The following ADAM28 variants were observed in gnomAD, a reference collection of about 807,000 sequenced individuals.
ADAM28 encodes disintegrin and metalloproteinase domain-containing protein 28.
A neutral mutation model predicts 101.2 loss-of-function variants in ADAM28; 105 were observed. That is an observed-to-expected ratio of 1.04 (90% confidence interval 0.89 to 1.22). ADAM28 has a LOEUF of 1.22. ADAM28 is among the 50% of genes most tolerant of loss of function. The pLI is 0.00. For missense variants in ADAM28, 1,028 were observed against 945.4 expected (o/e 1.09, Z -1.15); for synonymous variants, 322 against 310.6 (o/e 1.04, Z -0.39).
At chr8:24,298,977 A>C (rs1202123915) in intron 1 of ADAM28, among the ~76,000 whole-genome samples, 3 of 151,890 alleles carry the variant, frequency 2.0e-5, no homozygotes, top group Non-Finnish European at 4.4e-5. Flanking sequence ...GGATTGCTAC[A>C]GCCTGGGATT....
intron 5 of ADAM28, 26 bp downstream of exon 5, chr8:24,311,463 G>A: frequency 6.3e-7 from 1 of 1,588,444 alleles, no homozygotes; most frequent in Non-Finnish European, 8.6e-7. Context: ...TGTTTTGCAT[G>A]TACCTGTGAT....
At chr8:24,351,380 C>A in intron 20 of ADAM28, 70 bp downstream of exon 20, 1 of 1,412,104 alleles carries the variant, frequency 7.1e-7, no homozygotes, top group Non-Finnish European at 1.0e-6. Flanking sequence ...CTTATCCTGA[C>A]TACCTATCTA....
intron 6 of ADAM28, among the ~76,000 whole-genome samples, chr8:24,314,349 A>T (rs1023922607): frequency 6.6e-6 from 1 of 152,186 alleles, no homozygotes; most frequent in Non-Finnish European, 1.5e-5. Context: ...GAATCTGGCT[A>T]CAGGAACTTA....
intron 8 of ADAM28, among the ~76,000 whole-genome samples, chr8:24,322,226 A>G (rs1811974656): frequency 6.6e-6 from 1 of 151,976 alleles, no homozygotes; most frequent in African/African-American, 2.4e-5. Flanking sequence ...GGGAGAAATA[A>G]GAGATTTAGT....
intron 20 of ADAM28, chr8:24,351,613 C>T (rs1213193199): frequency 2.0e-6 from 1 of 496,772 alleles, no homozygotes; most frequent in African/African-American, 1.9e-5. Context: ...CACACTCCCT[C>T]TAGCTTATTT....
rs1217121002 is a variant in ADAM28 at position 24,355,433 on chromosome 8, T to TTAAG, written c.*1035_*1038dup. On this transcript the variant is annotated 3_prime_UTR_variant, in exon 23 of 23. Transcript: ENST00000265769. Reference sequence around the variant, plus strand: ...ATCTCAGGGATAAATCCCTATCCTTTTAAGTAAGTCAAGTCAATTAAAATA... The same window carrying TTAAG: ...ATCTCAGGGATAAATCCCTATCCTTTTAAGTAAGTAAGTCAAGTCAATTAAAATA... 1.3e-5 allele frequency: 2 copies of TTAAG among 152,074 alleles called. No individual in the cohort carries two copies. Among genetic ancestry groups the TTAAG allele is most frequent in the Non-Finnish European group, 2.9e-5 (2 of 67,998 alleles). 9.4% of individuals were successfully genotyped at this position (152,074 alleles called of 1,614,324 possible).
At position 24,356,271 on chromosome 8, in the gene ADAM28, GTGTTGT is replaced by G. The variant is rs1024021486; in HGVS notation, c.*1878_*1883del. ...TCGTGACCAACTTGTGAACTTTTCT[GTGTTGT>G]TGTTGTTGTTTTTTAAATATCTGTC... is the stretch of plus-strand genomic sequence containing the variant. On this transcript the variant is annotated 3_prime_UTR_variant, in exon 23 of 23. Coordinates refer to ENST00000265769, the MANE Select transcript of ADAM28 (RefSeq NM_014265.6). 2 of 152,152 alleles carry G rather than the reference GTGTTGT, an allele frequency of 1.3e-5. No individual in the cohort carries two copies. The highest frequency in any genetic ancestry group is 4.8e-5 in the African/African-American group (2 of 41,436). 9.4% of individuals were successfully genotyped at this position (152,152 alleles called of 1,614,324 possible).
rs746212027 is a variant in ADAM28 at position 24,313,382 on chromosome 8, T to C, written c.384-6T>C. 11 of 1,601,070 alleles carry C rather than the reference T, an allele frequency of 6.9e-6. No homozygotes were observed. In the Admixed American group the frequency reaches 1.9e-4, roughly 28 times the overall value. ...TTAAGAAGCCAGAACTCTCATGTTT[T>C]TTCAGGGGCTACTTCAGTCAGGGGG... On this transcript the variant is annotated splice_region_variant and splice_polypyrimidine_tract_variant and intron_variant, in intron 5 of 22. Transcript: ENST00000265769.
chr8:24,357,630 G>A lies in ADAM28; in HGVS notation c.*3226G>A, dbSNP rs1816766071. The A allele has an allele frequency of 6.6e-6, 1 of 152,070 alleles. No homozygotes were observed. Among genetic ancestry groups the A allele is most frequent in the Non-Finnish European group, 1.5e-5 (1 of 68,026 alleles). 9.4% of individuals were successfully genotyped at this position (152,070 alleles called of 1,614,324 possible). ...CCACCTGGTCCCTCCCTCAACATGT[G>A]GAGATTATAGCAATTAAAAAAATGA... On this transcript the variant is annotated 3_prime_UTR_variant, in exon 23 of 23. Transcript: ENST00000265769.
intron 5 of ADAM28, 140 bp from the exon 6 acceptor site, chr8:24,313,248 A>C: frequency 2.9e-6 from 2 of 694,910 alleles, no homozygotes; most frequent in Non-Finnish European, 4.6e-6. Flanking sequence ...TGTAAGTTTT[A>C]CTGTATTTTA....
intron 10 of ADAM28, among the ~76,000 whole-genome samples, chr8:24,327,874 G>A (rs1193546601): frequency 6.6e-6 from 1 of 151,952 alleles, no homozygotes; most frequent in Admixed American, 6.6e-5. Flanking sequence ...CATCTATTGT[G>A]CTATTATTAT....
At chr8:24,299,046 A>C (rs898857018) in intron 1 of ADAM28, among the ~76,000 whole-genome samples, 1 of 150,540 alleles carries the variant, frequency 6.6e-6, no homozygotes, top group Non-Finnish European at 1.5e-5. Context: ...AAAAAAAAAA[A>C]GCCAGGCATG....
At position 24,352,472 on chromosome 8, in the gene ADAM28, T is replaced by G. The variant is rs143255800; in HGVS notation, c.2244+420T>G. Among the ~76,000 whole-genome samples, 4 of 152,306 alleles carry G rather than the reference T, an allele frequency of 2.6e-5. No individual in the cohort carries two copies. The East Asian group carries it at 7.7e-4, about 29-fold the overall frequency. ...GCTGCCTTTTTATTGTATCCTCACA[T>G]AGCAGAGGGAGAGCATCTCTCTTGT... On this transcript the variant is annotated intron_variant, in intron 21 of 22. Coordinates refer to ENST00000265769, the MANE Select transcript of ADAM28 (RefSeq NM_014265.6).
intron 1 of ADAM28, among the ~76,000 whole-genome samples, chr8:24,296,984 C>T (rs887806700): frequency 2.6e-5 from 4 of 152,072 alleles, no homozygotes; most frequent in Non-Finnish European, 5.9e-5. Context: ...ATTCCAGATC[C>T]CATTATTTCA....
At chr8:24,324,465 G>A (rs1342696086) in intron 9 of ADAM28, among the ~76,000 whole-genome samples, 3 of 151,986 alleles carry the variant, frequency 2.0e-5, no homozygotes, top group Non-Finnish European at 4.4e-5. Flanking sequence ...TGGAGCATGT[G>A]CCTCAAAACA....
At chr8:24,327,315 A>G (rs1238621422) in intron 10 of ADAM28, among the ~76,000 whole-genome samples, 1 of 152,140 alleles carries the variant, frequency 6.6e-6, no homozygotes, top group Admixed American at 6.6e-5. Context: ...ATAAATACCT[A>G]GGAATACAAT....
At chr8:24,312,345 A>G (rs1034149503) in intron 5 of ADAM28, among the ~76,000 whole-genome samples, 1 of 151,996 alleles carries the variant, frequency 6.6e-6, no homozygotes, top group Non-Finnish European at 1.5e-5. Flanking sequence ...CACTTGCCCA[A>G]TTCAGAAACC....
chr8:24,323,378 C>T (rs940638383), intron 8 of ADAM28, among the ~76,000 whole-genome samples: 9 of 151,940 alleles, frequency 5.9e-5, no homozygotes, highest in African/African-American at 2.2e-4. Flanking sequence ...GTAAATGCAT[C>T]AATGTACAAC....
At chr8:24,338,697 G>A (rs1331933962) in intron 14 of ADAM28, among the ~76,000 whole-genome samples, 1 of 152,132 alleles carries the variant, frequency 6.6e-6, no homozygotes, top group Non-Finnish European at 1.5e-5. Context: ...CTTGCTGTTT[G>A]TCAAAGGCTA....
Sources: allele counts gnomAD v4.1 joint callset (sites outside exome capture counted in the v4.1 genomes callset), GRCh38; gene constraint gnomAD v4.1.1; transcripts MANE v1.5; gene names NCBI Gene and HGNC (gene_info 2026-07-23, HGNC 2026-07-21).